Variants in FAM117A observed in about 807,000 individuals in gnomAD.
FAM117A encodes family with sequence similarity 117 member A.
FAM117A carries 21 observed loss-of-function variants against 44.1 expected under a neutral mutation model. The observed-to-expected ratio is 0.48, with a 90% CI of 0.34 to 0.69. The LOEUF is 0.69. Among genes scored for constraint, FAM117A ranks in the 30% least tolerant of loss-of-function variants. FAM117A has a pLI of 0.01. For missense variants in FAM117A, 498 were observed against 589.9 expected (o/e 0.84, Z 1.61); for synonymous variants, 220 against 238.3 (o/e 0.92, Z 0.71).
intron 7 of FAM117A, among the ~76,000 whole-genome samples, 187 bp from the exon 8 acceptor site, chr17:49,711,742 G>A (rs1040183363): frequency 2.0e-5 from 3 of 152,124 alleles, no homozygotes; most frequent in African/African-American, 4.8e-5. Context: ...GCTAAACAAC[G>A]GGAAATGCTC....
In FAM117A at chr17:49,722,596, T is replaced by C; in HGVS notation, c.367-2A>G. ...TAGCTCTTGCCAGGACAGGGGCGTC[T>C]GCAGGGAGAGAAACACAGTGAGACA... On this transcript the variant is annotated splice_acceptor_variant, in intron 2 of 7. Transcript: ENST00000240364. LOFTEE classifies it high-confidence loss of function. 9 of 1,613,238 alleles carry C rather than the reference T, an allele frequency of 5.6e-6. No individual in the cohort carries two copies. The highest frequency in any genetic ancestry group is 7.6e-6 in the Non-Finnish European group (9 of 1,179,576).
At chr17:49,775,666 T>C (rs1351259714) in intron 1 of FAM117A, among the ~76,000 whole-genome samples, 1 of 152,222 alleles carries the variant, frequency 6.6e-6, no homozygotes, top group African/African-American at 2.4e-5. Context: ...AATGTTCCAG[T>C]ACATTCCACC....
chr17:49,749,022 T>C (rs565096400), intron 1 of FAM117A, among the ~76,000 whole-genome samples: 25 of 152,098 alleles, frequency 1.6e-4, no homozygotes, highest in Non-Finnish European at 2.9e-4. Context: ...AAATGAGCCA[T>C]CTCTTTGTGC....
intron 2 of FAM117A, among the ~76,000 whole-genome samples, chr17:49,723,778 G>A (rs1261471845): frequency 6.7e-6 from 1 of 148,576 alleles, no homozygotes; most frequent in Non-Finnish European, 1.5e-5. Context: ...GCAGTGGAGA[G>A]GGGCCACTGG....
chr17:49,763,548 A>C (rs1598035081), intron 1 of FAM117A, among the ~76,000 whole-genome samples: 6 of 82,174 alleles, frequency 7.3e-5, no homozygotes, highest in African/African-American at 1.5e-4. Flanking sequence ...ACCACGCGCC[A>C]CTCCTCCTCA....
Position 49,785,593 on chromosome 17 carries a change from T to A in FAM117A, c.-621+2904A>T, listed in dbSNP as rs551115770. ...AGCAGAGCGGAGATTAAAATTCAGA[T>A]CTGACATCAAAGCCCTGTACTGGAC... On this transcript the variant is annotated intron_variant, in intron 1 of 7. Transcript: ENST00000513602. 8.5e-5 allele frequency among the ~76,000 whole-genome samples: 13 copies of A among 152,196 alleles called. No individual in the cohort carries two copies. The East Asian group carries it at 2.5e-3, about 29-fold the overall frequency.
chr17:49,729,503 C>CT lies in FAM117A; in HGVS notation c.366+3047dup, dbSNP rs3034927. 5.4e-5 allele frequency among the ~76,000 whole-genome samples: 5 copies of CT among 92,204 alleles called. No homozygotes were observed. The East Asian group carries it at 1.2e-3, about 22-fold the overall frequency. The allele number at this position is 92,204 out of a possible 152,430, so 60.5% of individuals were successfully genotyped here. ...ATTGGGAAAAGGTTCTGGCATCAGTCTTTTTTTTTTTTTTTTTTTTTTGAC... is the reference window on the plus strand; with the variant it reads ...ATTGGGAAAAGGTTCTGGCATCAGTCTTTTTTTTTTTTTTTTTTTTTTTGAC... On this transcript the variant is annotated intron_variant, in intron 2 of 7. Transcript: ENST00000240364.
chr17:49,722,800 C>G (rs1598021225), intron 2 of FAM117A, among the ~76,000 whole-genome samples: 1 of 152,188 alleles, frequency 6.6e-6, no homozygotes, highest in African/African-American at 2.4e-5. Context: ...CAAACATTCC[C>G]TGATGACCCA....
rs545002875 is a variant in FAM117A, at chr17:49,738,195, C to T, written c.197-5475G>A. 2.6e-5 allele frequency among the ~76,000 whole-genome samples: 4 copies of T among 152,268 alleles called. No homozygotes were observed. In the South Asian group the frequency reaches 8.3e-4, roughly 32 times the overall value. ...TATTCAATGAATCCAATCTCTAGGACAATAATCATAGGTGGTACTTTGCTC... is the reference window on the plus strand; with the variant it reads ...TATTCAATGAATCCAATCTCTAGGATAATAATCATAGGTGGTACTTTGCTC... On this transcript the variant is annotated intron_variant, in intron 1 of 7. Coordinates refer to ENST00000240364, the MANE Select transcript of FAM117A (RefSeq NM_030802.4).
intron 2 of FAM117A, among the ~76,000 whole-genome samples, chr17:49,725,228 C>T (rs2073554386): frequency 6.6e-6 from 1 of 152,226 alleles, no homozygotes; most frequent in South Asian, 2.1e-4. Flanking sequence ...AACTTGTCTG[C>T]CTCAGGCTGA....
intron 1 of FAM117A, among the ~76,000 whole-genome samples, chr17:49,746,481 G>C (rs1450605364): frequency 6.6e-6 from 1 of 152,202 alleles, no homozygotes; most frequent in Non-Finnish European, 1.5e-5. Flanking sequence ...TAAGGCTGAG[G>C]CAAGGAACTG....
At chr17:49,755,012 T>C (rs1796060897) in intron 1 of FAM117A, among the ~76,000 whole-genome samples, 1 of 122,368 alleles carries the variant, frequency 8.2e-6, no homozygotes, top group African/African-American at 3.3e-5. Context: ...CACTCCAGCC[T>C]GGGCAACAAA....
chr17:49,777,976 T>C (rs772064784), intron 1 of FAM117A, among the ~76,000 whole-genome samples: 1 of 152,134 alleles, frequency 6.6e-6, no homozygotes. Context: ...TTATACAGCT[T>C]AGAATTTGGT....
At chr17:49,784,681 T>A (rs552501866) in intron 1 of FAM117A, among the ~76,000 whole-genome samples, 1 of 152,236 alleles carries the variant, frequency 6.6e-6, no homozygotes, top group Non-Finnish European at 1.5e-5. Flanking sequence ...TCACGTCTTT[T>A]ATGAATCCTT....
chr17:49,769,307 A>ATAAAT, intron 1 of FAM117A, among the ~76,000 whole-genome samples: 1 of 151,680 alleles, frequency 6.6e-6, no homozygotes, highest in Non-Finnish European at 1.5e-5. Flanking sequence ...AAATAAATAA[A>ATAAAT]TAAATAAAAT....
chr17:49,717,834 G>A lies in FAM117A; in HGVS notation c.709-120C>T. ...TCTCTATCCATGACACACAACCACA[G>A]AACACCATTTCCTCCAGCGATTTAT... On this transcript the variant is annotated intron_variant, in intron 5 of 7. Transcript: ENST00000240364. The A allele has an allele frequency of 3.9e-6, 3 of 769,954 alleles. No individual in the cohort carries two copies. In the South Asian group the frequency reaches 6.6e-5, roughly 17 times the overall value. 47.7% of individuals were successfully genotyped at this position (769,954 alleles called of 1,614,324 possible). A position where few individuals can be genotyped will look rare whatever the true frequency, so the allele number is the denominator to read the frequency against.
rs181675826 is a variant in FAM117A at position 49,752,302 on chromosome 17, C to T, written c.196+11590G>A. ...ACTATCATACATTACAATGACTCCA[C>T]TTTCAGTTAACCTAAAGCTAGGAGA... On this transcript the variant is annotated intron_variant, in intron 1 of 7. Transcript: ENST00000240364. Among the ~76,000 whole-genome samples, 55 of 152,290 alleles carry T rather than the reference C, an allele frequency of 3.6e-4. No individual in the cohort carries two copies. The East Asian group carries it at 0.011, about 29-fold the overall frequency.
chr17:49,752,302 C>G (rs181675826), intron 1 of FAM117A, among the ~76,000 whole-genome samples: 3 of 152,172 alleles, frequency 2.0e-5, no homozygotes, highest in Non-Finnish European at 4.4e-5. Flanking sequence ...AATGACTCCA[C>G]TTTCAGTTAA....
chr17:49,745,062 T>C (rs2073649874), intron 1 of FAM117A, among the ~76,000 whole-genome samples: 1 of 149,578 alleles, frequency 6.7e-6, no homozygotes, highest in African/African-American at 2.5e-5. Context: ...AAAATAAGTC[T>C]GTACAATTTT....
Sources: gnomAD v4.1 joint callset for allele counts (sites outside exome capture counted in the v4.1 genomes callset) on GRCh38, gnomAD v4.1.1 for gene constraint, MANE v1.5 for transcripts, NCBI Gene and HGNC (gene_info 2026-07-23, HGNC 2026-07-21) for gene names.